SCN1A: variants seen among roughly 807,000 people sequenced by gnomAD.
SCN1A encodes the protein sodium channel protein type 1 subunit alpha.
In SCN1A, 13 loss-of-function variants were observed where a neutral mutation model predicts 193.7. That is an observed-to-expected ratio of 0.07 (90% CI 0.04 to 0.11). The LOEUF is 0.11. Among genes scored for constraint, SCN1A ranks in the 10% least tolerant of loss-of-function variants. The probability of loss-of-function intolerance (pLI) is 1.00; values close to 1 mark genes in which losing one functional copy is unlikely to be tolerated. For missense variants in SCN1A, 1,432 were observed against 2,451.1 expected (o/e 0.58, Z 8.78); for synonymous variants, 781 against 843.6 (o/e 0.93, Z 1.29).
In SCN1A at chr2:166,089,983, C is replaced by T. The variant is rs190652957; in HGVS notation, c.-141-12182G>A. On this transcript the variant is annotated intron_variant, in intron 2 of 28. Transcript: ENST00000674923. ...TCACTTCGCTTTAACTCCGTAGGTC[C>T]TATACAAACCAAAGAAATTATCTTC... 2.2e-3 allele frequency among the ~76,000 whole-genome samples: 331 copies of T among 149,900 alleles called. 1 individual carries two copies. The highest frequency in any genetic ancestry group is 2.1e-3 in the Non-Finnish European group (140 of 67,772).
At chr2:166,143,692 A>G (rs1162938081) in intron 1 of SCN1A, among the ~76,000 whole-genome samples, 2 of 152,208 alleles carry the variant, frequency 1.3e-5, no homozygotes, top group Admixed American at 1.3e-4. Context: ...TTATAATTAG[A>G]AAAAAGTCTG....
chr2:166,050,639 G>GTA (rs1174601104), intron 9 of SCN1A, among the ~76,000 whole-genome samples: 11 of 40,814 alleles, frequency 2.7e-4, no homozygotes, highest in South Asian at 8.5e-4. Flanking sequence ...ATATATATAT[G>GTA]TGTGTATATA....
At chr2:166,130,088 C>T (rs1025166399), upstream of SCN1A, among the ~76,000 whole-genome samples, 1 of 152,172 alleles carries the variant, frequency 6.6e-6, no homozygotes, top group Non-Finnish European at 1.5e-5. Context: ...TTTCCATCTC[C>T]AGTCTACTCA....
Position 165,985,876 on chromosome 2 carries a change from A to G in SCN1A, c.*5369T>C, listed in dbSNP as rs1369055213. 6.6e-6 allele frequency: 1 copy of G among 152,126 alleles called. No homozygotes were observed. The highest frequency in any genetic ancestry group is 2.4e-5 in the African/African-American group (1 of 41,432). 9.4% of individuals were successfully genotyped at this position (152,126 alleles called of 1,614,324 possible). ...ATAAGAAATTCCAGTGCACACATGA[A>G]GAATATGCAATTACCAGACATATTT... On this transcript the variant is annotated 3_prime_UTR_variant, in exon 29 of 29. Coordinates refer to ENST00000674923, the MANE Select transcript of SCN1A (RefSeq NM_001165963.4).
chr2:166,131,532 G>A (rs755879583), upstream of SCN1A, among the ~76,000 whole-genome samples: 4 of 152,188 alleles, frequency 2.6e-5, no homozygotes, highest in Admixed American at 6.5e-5. Context: ...TAAAGAGAGC[G>A]TGAGGTCACT....
At chr2:166,093,972 G>A (rs1251001815) in intron 2 of SCN1A, among the ~76,000 whole-genome samples, 1 of 152,050 alleles carries the variant, frequency 6.6e-6, no homozygotes, top group Non-Finnish European at 1.5e-5. Flanking sequence ...ACCCCAATAT[G>A]TTTTCACATT....
chr2:166,017,302 AT>A (rs1398291871), intron 19 of SCN1A, among the ~76,000 whole-genome samples: 2 of 151,976 alleles, frequency 1.3e-5, no homozygotes, highest in African/African-American at 4.8e-5. Context: ...AGCTTTGACT[AT>A]CTTTGTGTTC....
intron 19 of SCN1A, among the ~76,000 whole-genome samples, chr2:166,020,634 A>G (rs1693933956): frequency 1.3e-5 from 2 of 152,228 alleles, no homozygotes; most frequent in Admixed American, 1.3e-4. Context: ...TTGTATTTAT[A>G]AAAACTAAGT....
chr2:166,142,490 C>T (rs1329065082), intron 1 of SCN1A, among the ~76,000 whole-genome samples: 2 of 152,284 alleles, frequency 1.3e-5, no homozygotes, highest in East Asian at 3.9e-4. Flanking sequence ...GTGCTTACTA[C>T]TATAAAGTTA....
At chr2:166,089,677 G>A (rs1373305681) in intron 2 of SCN1A, among the ~76,000 whole-genome samples, 2 of 152,072 alleles carry the variant, frequency 1.3e-5, no homozygotes, top group East Asian at 3.9e-4. Context: ...TTATCAATGT[G>A]CCAGGAAGAG....
upstream of SCN1A, among the ~76,000 whole-genome samples, chr2:166,132,595 A>T (rs977781959): frequency 3.3e-5 from 5 of 152,230 alleles, no homozygotes; most frequent in Non-Finnish European, 5.9e-5. Context: ...TTAGACAAAT[A>T]AATGCAGAAA....
intron 2 of SCN1A, among the ~76,000 whole-genome samples, chr2:166,081,913 A>C (rs768894428): frequency 6.6e-6 from 1 of 152,004 alleles, no homozygotes; most frequent in Non-Finnish European, 1.5e-5. Context: ...AAAATTACTA[A>C]CCAATTGATT....
intron 23 of SCN1A, among the ~76,000 whole-genome samples, chr2:166,003,524 CT>C (rs1301777641): frequency 1.1e-3 from 167 of 146,174 alleles, no homozygotes; most frequent in East Asian, 5.6e-3. Context: ...TTATTATCTA[CT>C]TTTTTTTTTT....
At chr2:166,145,249 ACC>A (rs1491189054) in intron 1 of SCN1A, among the ~76,000 whole-genome samples, 120,316 of 148,170 alleles carry the variant, frequency 0.81, 49,173 homozygotes, top group African/African-American at 0.94. Flanking sequence ...TGTGTTAGCC[ACC>A]TGGTCTCGAT....
intron 19 of SCN1A, among the ~76,000 whole-genome samples, chr2:166,023,689 T>C (rs1025640728): frequency 1.3e-5 from 2 of 151,822 alleles, no homozygotes; most frequent in East Asian, 1.9e-4. Context: ...CTGGGTAACA[T>C]GTTGGGACTG....
intron 19 of SCN1A, among the ~76,000 whole-genome samples, chr2:166,032,234 C>CACACACACACACACACAG (rs1695722740): frequency 6.6e-6 from 1 of 151,622 alleles, no homozygotes; most frequent in Non-Finnish European, 1.5e-5. Flanking sequence ...CACACACACA[C>CACACACACACACACACAG]AGAGACAGAG....
At chr2:165,985,636 C>T (rs1208712833), downstream of SCN1A, 1 of 152,008 alleles carries the variant, frequency 6.6e-6, no homozygotes, top group African/African-American at 2.4e-5. Context: ...TGCAAATTAT[C>T]CACTTGTGAT....
At chr2:166,123,826 A>C (rs549372513) in intron 2 of SCN1A, among the ~76,000 whole-genome samples, 9 of 152,062 alleles carry the variant, frequency 5.9e-5, no homozygotes, top group Non-Finnish European at 1.0e-4. Context: ...CCAATCTCTG[A>C]GATTCCACAG....
At chr2:166,126,715 A>G (rs980767615) in intron 2 of SCN1A, among the ~76,000 whole-genome samples, 1 of 152,230 alleles carries the variant, frequency 6.6e-6, no homozygotes, top group African/African-American at 2.4e-5. Flanking sequence ...GCAATTTGCA[A>G]GTTTGCTACT....
Sources: gnomAD v4.1 joint callset for allele counts (sites outside exome capture counted in the v4.1 genomes callset) on GRCh38, gnomAD v4.1.1 for gene constraint, MANE v1.5 for transcripts, NCBI Gene and HGNC (gene_info 2026-07-23, HGNC 2026-07-21) for gene names.